ASIC2: variants seen among roughly 807,000 people sequenced by gnomAD.
ASIC2 encodes acid sensing ion channel subunit 2.
In ASIC2, 25 loss-of-function variants were observed where a neutral mutation model predicts 57.3. The ratio of observed to expected loss-of-function variants is 0.44; its 90% CI spans 0.32 to 0.61. The LOEUF is 0.61. ASIC2 is among the 20% of genes least tolerant of loss of function. The pLI is 0.06. For synonymous variants in ASIC2, 319 were observed against 307.5 expected (o/e 1.04, Z -0.39); for missense variants, 641 against 738.1 (o/e 0.87, Z 1.52).
chr17:33,284,083 T>C (rs1412442652), intron 1 of ASIC2, among the ~76,000 whole-genome samples: 1 of 152,128 alleles, frequency 6.6e-6, no homozygotes, highest in Non-Finnish European at 1.5e-5. Flanking sequence ...AAGAAGGAGC[T>C]CAATAAACGT....
chr17:33,911,329 C>G (rs971906224), intron 1 of ASIC2, among the ~76,000 whole-genome samples: 1 of 152,178 alleles, frequency 6.6e-6, no homozygotes, highest in African/African-American at 2.4e-5. Context: ...CTGGCTCCAT[C>G]ATGTCCAAGC....
chr17:33,138,916 G>A (rs1413442310), intron 1 of ASIC2, among the ~76,000 whole-genome samples: 1 of 152,232 alleles, frequency 6.6e-6, no homozygotes, highest in East Asian at 1.9e-4. Flanking sequence ...GAAGTGGTTA[G>A]AGAAAGGCCC....
intron 1 of ASIC2, among the ~76,000 whole-genome samples, chr17:33,325,658 A>C (rs1305559726): frequency 6.6e-6 from 1 of 152,130 alleles, no homozygotes; most frequent in Non-Finnish European, 1.5e-5. Context: ...TTGTGGTTTT[A>C]AAAAGGTTAC....
rs755698708 is a variant in ASIC2, at chr17:33,045,642, GC to G, written c.988-17251del. On this transcript the variant is annotated intron_variant, in intron 3 of 9. Coordinates refer to ENST00000225823, the MANE Select transcript of ASIC2 (RefSeq NM_183377.2). ...TTGTCTTTTCTGGGCCAGGGTCATG[GC>G]GGGGGCCACCATCTGACCTGCCAGT... 1.1e-3 allele frequency among the ~76,000 whole-genome samples: 169 copies of G among 152,184 alleles called. 1 individual carries two copies. The highest frequency in any genetic ancestry group is 2.7e-3 in the African/African-American group (113 of 41,496).
chr17:33,591,293 A>G (rs533250460), intron 1 of ASIC2, among the ~76,000 whole-genome samples: 3 of 152,226 alleles, frequency 2.0e-5, no homozygotes, highest in Non-Finnish European at 4.4e-5. Flanking sequence ...ATTGCCCCAG[A>G]GTCCCTGGAC....
chr17:33,237,004 G>C (rs1480240207), intron 1 of ASIC2, among the ~76,000 whole-genome samples: 1 of 152,170 alleles, frequency 6.6e-6, no homozygotes, highest in East Asian at 1.9e-4. Context: ...CCTAAGACAG[G>C]AGATGAAGGG....
intron 1 of ASIC2, among the ~76,000 whole-genome samples, chr17:33,559,705 C>A (rs1916013333): frequency 6.6e-6 from 1 of 152,112 alleles, no homozygotes. Flanking sequence ...ATATCCAGTG[C>A]CCTCTTTAAG....
At chr17:33,668,010 C>T (rs1907530182) in intron 1 of ASIC2, among the ~76,000 whole-genome samples, 1 of 152,184 alleles carries the variant, frequency 6.6e-6, no homozygotes, top group Admixed American at 6.5e-5. Flanking sequence ...AGATCACCAA[C>T]ATATTATTAT....
chr17:33,408,846 T>G (rs1305552679), intron 1 of ASIC2, among the ~76,000 whole-genome samples: 1 of 151,972 alleles, frequency 6.6e-6, no homozygotes, highest in Non-Finnish European at 1.5e-5. Context: ...GAGTGAGGGA[T>G]GAGAGAGGAC....
chr17:33,614,824 A>T (rs1463554364), intron 1 of ASIC2, among the ~76,000 whole-genome samples: 12 of 152,166 alleles, frequency 7.9e-5, no homozygotes, highest in Admixed American at 7.9e-4. Context: ...AATAGTATGG[A>T]CTCTTGAATC....
intron 1 of ASIC2, among the ~76,000 whole-genome samples, chr17:33,647,206 A>G (rs1302751852): frequency 6.6e-6 from 1 of 152,152 alleles, no homozygotes; most frequent in Non-Finnish European, 1.5e-5. Context: ...AATCTGTCAA[A>G]TTGGAGAAAT....
chr17:33,640,660 C>T (rs11658327), intron 1 of ASIC2, among the ~76,000 whole-genome samples: 15,798 of 152,260 alleles, frequency 0.1, 1,043 homozygotes, highest in South Asian at 0.16. Context: ...TGTTGAGTAG[C>T]GTTCAGGGTT....
At chr17:33,498,565 G>A (rs1451047797) in intron 1 of ASIC2, among the ~76,000 whole-genome samples, 1 of 152,176 alleles carries the variant, frequency 6.6e-6, no homozygotes, top group Non-Finnish European at 1.5e-5. Context: ...AGGCGGCCTG[G>A]GGGAAAGAGT....
At chr17:33,612,201 C>G (rs1290431466) in intron 1 of ASIC2, among the ~76,000 whole-genome samples, 2 of 152,174 alleles carry the variant, frequency 1.3e-5, no homozygotes, top group Non-Finnish European at 2.9e-5. Context: ...AAATGTCAAT[C>G]TTATCCAGAA....
chr17:34,126,609 C>CT (rs1911788548), intron 1 of ASIC2, among the ~76,000 whole-genome samples: 1 of 152,196 alleles, frequency 6.6e-6, no homozygotes, highest in African/African-American at 2.4e-5. Flanking sequence ...CTCTCATCCA[C>CT]TGTCAGGACA....
At chr17:33,457,367 A>C (rs1703957047) in intron 1 of ASIC2, among the ~76,000 whole-genome samples, 1 of 151,962 alleles carries the variant, frequency 6.6e-6, no homozygotes, top group Admixed American at 6.6e-5. Flanking sequence ...TACTGAGTGT[A>C]TGATCTGTAG....
At chr17:33,493,563 G>A (rs898672190) in intron 1 of ASIC2, among the ~76,000 whole-genome samples, 10 of 152,032 alleles carry the variant, frequency 6.6e-5, no homozygotes, top group Admixed American at 1.3e-4. Context: ...GTCAGTCAAG[G>A]TTCTCTTACT....
chr17:33,952,766 A>C (rs539350097), intron 1 of ASIC2, among the ~76,000 whole-genome samples: 12 of 152,348 alleles, frequency 7.9e-5, no homozygotes, highest in Non-Finnish European at 1.5e-4. Context: ...AGTAAAAAAC[A>C]TCCTAATTAT....
chr17:33,030,899 C>G (rs1319183952), intron 3 of ASIC2, among the ~76,000 whole-genome samples: 2 of 152,108 alleles, frequency 1.3e-5, no homozygotes, highest in African/African-American at 4.8e-5. Flanking sequence ...ATATGTTGCT[C>G]TATTCAATTT....
Sources: allele counts gnomAD v4.1 joint callset (sites outside exome capture counted in the v4.1 genomes callset), GRCh38; gene constraint gnomAD v4.1.1; transcripts MANE v1.5; gene names NCBI Gene and HGNC (gene_info 2026-07-23, HGNC 2026-07-21).